The following DYSF variants were observed in gnomAD, a reference collection of about 807,000 sequenced individuals.
The protein encoded by DYSF is dysferlin.
Under a neutral mutation model 274.9 loss-of-function variants are expected in DYSF, and 212 were observed. The ratio of observed to expected loss-of-function variants is 0.77; its 90% CI spans 0.69 to 0.86. DYSF has a LOEUF of 0.86. Among genes scored for constraint, DYSF ranks in the 40% least tolerant of loss-of-function variants. The pLI, the probability that DYSF is intolerant of heterozygous loss-of-function variation, is 0.00. For missense variants in DYSF, 2,666 were observed against 2,783.2 expected (o/e 0.96, Z 0.95); for synonymous variants, 1,091 against 1,078.7 (o/e 1.01, Z -0.22).
At chr2:71,640,649 C>G (rs143814746) in intron 41 of DYSF, among the ~76,000 whole-genome samples, 1 of 152,068 alleles carries the variant, frequency 6.6e-6, no homozygotes, top group African/African-American at 2.4e-5. Flanking sequence ...CTGGAATAAC[C>G]CAGCTTGACC....
intron 3 of DYSF, among the ~76,000 whole-genome samples, chr2:71,502,404 G>C (rs2085070817): frequency 6.6e-6 from 1 of 151,910 alleles, no homozygotes; most frequent in African/African-American, 2.4e-5. Context: ...CATTTCTCAG[G>C]GAGGCAAGCA....
chr2:71,462,946 A>C (rs1056131690), upstream of DYSF, among the ~76,000 whole-genome samples: 1 of 152,166 alleles, frequency 6.6e-6, no homozygotes, highest in African/African-American at 2.4e-5. Flanking sequence ...AAGCACCATA[A>C]GTTCTCACTC....
chr2:71,535,136 G>C, intron 15 of DYSF, 47 bp downstream of exon 15: 1 of 1,611,898 alleles, frequency 6.2e-7, no homozygotes, highest in Non-Finnish European at 8.5e-7. Context: ...CTGGGGCTCT[G>C]GGCTTCGGGA....
chr2:71,525,216 CT>C (rs2152747240), intron 12 of DYSF, among the ~76,000 whole-genome samples: 1 of 150,888 alleles, frequency 6.6e-6, no homozygotes, highest in East Asian at 1.9e-4. Flanking sequence ...TTTTCTTTTC[CT>C]TTTTTGTTTT....
At chr2:71,666,796 G>C (rs185640754) in intron 47 of DYSF, among the ~76,000 whole-genome samples, 107 of 152,332 alleles carry the variant, frequency 7.0e-4, no homozygotes, top group African/African-American at 2.5e-3. Context: ...CTGTGCCTCA[G>C]ATTTCTCTTC....
rs189903937 is a variant in DYSF, at chr2:71,518,818, C to T, written c.1003-1360C>T. ...CCAATAAATAATTGCTGGGACCAGG[C>T]GCAGTGGCTCATGCCTGTGATCCCA... On this transcript the variant is annotated intron_variant, in intron 10 of 55. Transcript: ENST00000410020. 9.5e-3 allele frequency among the ~76,000 whole-genome samples: 1,445 copies of T among 151,864 alleles called. 10 individuals are homozygous for T. Among genetic ancestry groups the T allele is most frequent in the Non-Finnish European group, 0.015 (988 of 67,934 alleles).
intron 41 of DYSF, among the ~76,000 whole-genome samples, chr2:71,622,646 T>C (rs2152898149): frequency 6.6e-6 from 1 of 152,242 alleles, no homozygotes; most frequent in South Asian, 2.1e-4. Context: ...GATGGAGTCT[T>C]GCTCCGTTGC....
intron 1 of DYSF, among the ~76,000 whole-genome samples, chr2:71,471,639 A>ATT (rs779187195): frequency 2.0e-5 from 3 of 151,036 alleles, no homozygotes; most frequent in Admixed American, 1.3e-4. Context: ...CCCATCATAG[A>ATT]TTTTTTTTTT....
Position 71,561,933 on chromosome 2 carries a change from C to T in DYSF, c.2398C>T (p.Leu800=). The change falls in exon 23 of 56, where the codon CTG becomes TTG. Residue 800 remains leucine, a synonymous_variant. Transcript: ENST00000410020. ...GGACTGGCTCCTGCGTCTGCGTGCC[C>T]TGGCAGAGGAGGTAATTAAGCCTGG... ...AEDWLLRLRA[L]AEEPQNSLPD... is the part of the protein sequence containing the mutation. 1 of 1,613,898 alleles carries T rather than the reference C, an allele frequency of 6.2e-7. No homozygotes were observed. Among genetic ancestry groups the T allele is most frequent in the South Asian group, 1.1e-5 (1 of 91,020 alleles).
intron 7 of DYSF, 90 bp from the exon 8 acceptor site, chr2:71,515,533 G>A (rs781380815): frequency 6.3e-7 from 1 of 1,575,710 alleles, no homozygotes; most frequent in African/African-American, 1.3e-5. Flanking sequence ...TGGTGAGATG[G>A]TCCCTGAGAT....
chr2:71,508,774 T>C (rs964028498), intron 4 of DYSF, among the ~76,000 whole-genome samples: 3 of 152,230 alleles, frequency 2.0e-5, no homozygotes, highest in African/African-American at 7.2e-5. Flanking sequence ...CTTTCTCATG[T>C]CAGAATTTTG....
chr2:71,680,720 G>C (rs1383698686), intron 53 of DYSF, among the ~76,000 whole-genome samples: 1 of 152,228 alleles, frequency 6.6e-6, no homozygotes, highest in Non-Finnish European at 1.5e-5. Flanking sequence ...TGCACAGTGT[G>C]ACATTTCATA....
intron 3 of DYSF, among the ~76,000 whole-genome samples, chr2:71,492,787 C>T (rs187496615): frequency 1.4e-3 from 203 of 146,114 alleles, no homozygotes; most frequent in Middle Eastern, 7.1e-3. Context: ...ATATTCATCA[C>T]GGTCTTTGAC....
At chr2:71,506,804 G>A (rs2085523463) in intron 4 of DYSF, among the ~76,000 whole-genome samples, 1 of 152,068 alleles carries the variant, frequency 6.6e-6, no homozygotes, top group Non-Finnish European at 1.5e-5. Flanking sequence ...CATGGTCCCT[G>A]GGGCCCACCT....
At chr2:71,580,117 T>G (rs2092836869) in intron 30 of DYSF, among the ~76,000 whole-genome samples, 1 of 152,220 alleles carries the variant, frequency 6.6e-6, no homozygotes, top group African/African-American at 2.4e-5. Flanking sequence ...CCCTTTGTGG[T>G]GGGGTCCCAG....
At chr2:71,580,509 C>T (rs900470723) in intron 30 of DYSF, among the ~76,000 whole-genome samples, 1 of 152,166 alleles carries the variant, frequency 6.6e-6, no homozygotes, top group Non-Finnish European at 1.5e-5. Context: ...ATGCTGTGGG[C>T]AGGGGACCCA....
At chr2:71,474,923 A>G (rs1317335079) in intron 1 of DYSF, among the ~76,000 whole-genome samples, 1 of 152,222 alleles carries the variant, frequency 6.6e-6, no homozygotes, top group Non-Finnish European at 1.5e-5. Flanking sequence ...GGTCACAGGA[A>G]GCTGATCTGT....
chr2:71,580,903 G>T (rs563976647), intron 30 of DYSF, among the ~76,000 whole-genome samples: 5 of 152,358 alleles, frequency 3.3e-5, no homozygotes, highest in Middle Eastern at 3.4e-3. Context: ...CCAGCGCCCA[G>T]ATTCATGGCT....
At chr2:71,613,702 A>T (rs2093820960) in intron 40 of DYSF, among the ~76,000 whole-genome samples, 1 of 151,888 alleles carries the variant, frequency 6.6e-6, no homozygotes, top group South Asian at 2.1e-4. Flanking sequence ...CCTGGAGATC[A>T]CCAGAAAATC....
Sources: gnomAD v4.1 joint callset for allele counts (sites outside exome capture counted in the v4.1 genomes callset) on GRCh38, gnomAD v4.1.1 for gene constraint, MANE v1.5 for transcripts, NCBI Gene and HGNC (gene_info 2026-07-23, HGNC 2026-07-21) for gene names.